PTK2B: variants seen among roughly 807,000 people sequenced by gnomAD.
PTK2B encodes protein tyrosine kinase 2 beta.
In PTK2B, 71 loss-of-function variants were observed where a neutral mutation model predicts 142.9. The observed-to-expected ratio is 0.50, with a 90% CI of 0.41 to 0.61. The LOEUF (loss-of-function observed/expected upper bound fraction) is 0.61, where lower values mean the gene tolerates loss of function less well. PTK2B is among the 20% of genes least tolerant of loss of function. The pLI, the probability that PTK2B is intolerant of heterozygous loss-of-function variation, is 0.00. For missense variants in PTK2B, 1,105 were observed against 1,320.4 expected (o/e 0.84, Z 2.53); for synonymous variants, 519 against 503.4 (o/e 1.03, Z -0.42).
At chr8:27,361,970 A>G (rs988668750) in intron 1 of PTK2B, among the ~76,000 whole-genome samples, 9 of 152,238 alleles carry the variant, frequency 5.9e-5, no homozygotes, top group African/African-American at 1.7e-4. Flanking sequence ...AGCACACTCT[A>G]TGTGTTCAAA....
At chr8:27,337,329 G>A (rs1201839187) in intron 1 of PTK2B, among the ~76,000 whole-genome samples, 1 of 152,136 alleles carries the variant, frequency 6.6e-6, no homozygotes, top group African/African-American at 2.4e-5. Context: ...TAGAGATGGG[G>A]TTTCACCATG....
At chr8:27,353,948 G>T (rs1247294088) in intron 1 of PTK2B, among the ~76,000 whole-genome samples, 1 of 152,136 alleles carries the variant, frequency 6.6e-6, no homozygotes, top group Non-Finnish European at 1.5e-5. Context: ...ATTCACCTTG[G>T]CTCACATACC....
At chr8:27,353,041 G>A (rs1383286273) in intron 1 of PTK2B, among the ~76,000 whole-genome samples, 1 of 152,194 alleles carries the variant, frequency 6.6e-6, no homozygotes, top group East Asian at 1.9e-4. Flanking sequence ...ACCTAAGCCA[G>A]CCCAGGCTAC....
At chr8:27,453,969 G>A in intron 28 of PTK2B, 185 bp from the exon 29 acceptor site, 1 of 715,702 alleles carries the variant, frequency 1.4e-6, no homozygotes, top group Non-Finnish European at 2.2e-6. Flanking sequence ...AGGCTCCCTG[G>A]CTGGAAACTG....
intron 1 of PTK2B, among the ~76,000 whole-genome samples, chr8:27,358,368 G>T (rs1805506829): frequency 6.6e-6 from 1 of 152,102 alleles, no homozygotes; most frequent in Non-Finnish European, 1.5e-5. Flanking sequence ...CTGTGTTTTG[G>T]TGCATATAAG....
chr8:27,356,798 A>T (rs532549741), intron 1 of PTK2B, among the ~76,000 whole-genome samples: 1 of 152,364 alleles, frequency 6.6e-6, no homozygotes, highest in Non-Finnish European at 1.5e-5. Context: ...GAATGAAGAA[A>T]ATGTTCATCT....
intron 3 of PTK2B, among the ~76,000 whole-genome samples, chr8:27,318,852 T>C (rs536535312): frequency 1.5e-4 from 23 of 152,258 alleles, no homozygotes; most frequent in African/African-American, 5.5e-4. Context: ...GGTTTCACCA[T>C]GTCGGCCAGG....
chr8:27,327,438 A>C (rs1803487435), intron 1 of PTK2B, among the ~76,000 whole-genome samples: 1 of 152,202 alleles, frequency 6.6e-6, no homozygotes, highest in Non-Finnish European at 1.5e-5. Flanking sequence ...AATATGTCTC[A>C]TGAACTACAT....
chr8:27,437,401 A>G lies in PTK2B; in HGVS notation c.1432A>G (p.Met478Val), dbSNP rs1475915683. 6.2e-7 allele frequency: 1 copy of G among 1,611,654 alleles called. No individual in the cohort carries two copies. Among genetic ancestry groups the G allele is most frequent in the African/African-American group, 1.3e-5 (1 of 74,776 alleles). ...KEKFMSEAVI[M>V]KNLDHPHIVK... Reference sequence around the variant, plus strand: ...CTTGCCCCACCACACTGCAGTGATCATGAAGAACCTCGACCACCCGCACAT... The same window carrying G: ...CTTGCCCCACCACACTGCAGTGATCGTGAAGAACCTCGACCACCCGCACAT... The change falls in exon 17 of 31, where the codon ATG becomes GTG. Residue 478 changes from methionine to valine, a missense_variant. Physicochemically the swap from Met to Val is conservative, Grantham distance 21 (BLOSUM62 1). Coordinates refer to ENST00000346049, the MANE Select transcript of PTK2B (RefSeq NM_173176.3).
At chr8:27,404,298 A>G (rs11994882) in intron 2 of PTK2B, among the ~76,000 whole-genome samples, 127,985 of 152,156 alleles carry the variant, frequency 0.84, 54,320 homozygotes, top group Middle Eastern at 0.95. Flanking sequence ...ACCCAGGAAG[A>G]CATTGAGCAG....
At chr8:27,392,114 T>C (rs1807761795) in intron 1 of PTK2B, among the ~76,000 whole-genome samples, 1 of 152,188 alleles carries the variant, frequency 6.6e-6, no homozygotes, top group Admixed American at 6.5e-5. Flanking sequence ...AGATAGGCTA[T>C]TGACGAGTAG....
At chr8:27,325,474 C>T (rs1409284835), upstream of PTK2B, 1 of 152,376 alleles carries the variant, frequency 6.6e-6, no homozygotes, top group African/African-American at 2.4e-5. Flanking sequence ...CACACCCCAC[C>T]CTTTAAGGAA....
chr8:27,385,818 G>T (rs570675096), intron 1 of PTK2B, among the ~76,000 whole-genome samples: 151 of 151,404 alleles, frequency 1.0e-3, no homozygotes, highest in African/African-American at 3.4e-3. Flanking sequence ...ACTTGAACCC[G>T]GGAGGCAGAG....
chr8:27,439,494 C>G, intron 20 of PTK2B, 96 bp downstream of exon 20: 1 of 1,299,082 alleles, frequency 7.7e-7, no homozygotes, highest in South Asian at 1.2e-5. Context: ...GTCTGACCTC[C>G]ACCCTCCGTT....
intron 30 of PTK2B, among the ~76,000 whole-genome samples, chr8:27,456,454 A>G (rs1208482389): frequency 6.6e-6 from 1 of 152,240 alleles, no homozygotes; most frequent in Non-Finnish European, 1.5e-5. Context: ...CTGTGCCCAC[A>G]TAAGACTTAT....
In PTK2B at chr8:27,454,208, G is replaced by C. The variant is rs1193199403; in HGVS notation, c.2650G>C (p.Val884Leu). 6.2e-7 allele frequency: 1 copy of C among 1,614,142 alleles called. No homozygotes were observed. Among genetic ancestry groups the C allele is most frequent in the South Asian group, 1.1e-5 (1 of 91,086 alleles). The part of the protein sequence containing the change: ...DRTDDLVYLN[V>L]MELVRAVLEL... ...GACTGATGACCTGGTGTACCTCAAT[G>C]TCATGGAGCTGGTGCGGGCCGTGCT... Residue 884 changes from valine (V) to leucine (L), a missense_variant, in exon 29 of 31, where the codon GTC (valine) becomes CTC (leucine). Transcript: ENST00000346049.
intron 1 of PTK2B, among the ~76,000 whole-genome samples, chr8:27,394,887 C>T (rs1807947705): frequency 6.6e-6 from 1 of 152,116 alleles, no homozygotes; most frequent in Non-Finnish European, 1.5e-5. Context: ...CAAACACACA[C>T]ATTAGCATAA....
At chr8:27,357,273 A>G (rs951821281) in intron 1 of PTK2B, among the ~76,000 whole-genome samples, 3 of 152,152 alleles carry the variant, frequency 2.0e-5, no homozygotes, top group Non-Finnish European at 2.9e-5. Context: ...TACAAAAAAT[A>G]CTGACAAATT....
intron 5 of PTK2B, among the ~76,000 whole-genome samples, chr8:27,426,671 A>G (rs530581485): frequency 2.0e-5 from 3 of 152,330 alleles, no homozygotes; most frequent in African/African-American, 4.8e-5. Flanking sequence ...AGTTTTGTCA[A>G]TGGTGACTAT....
Sources: allele counts gnomAD v4.1 joint callset (sites outside exome capture counted in the v4.1 genomes callset), GRCh38; gene constraint gnomAD v4.1.1; transcripts MANE v1.5; gene names NCBI Gene and HGNC (gene_info 2026-07-23, HGNC 2026-07-21).